TTBK2: variants seen among roughly 807,000 people sequenced by gnomAD.
TTBK2 encodes the protein tau-tubulin kinase 2.
In TTBK2, 28 loss-of-function variants were observed where a neutral mutation model predicts 110.8. The observed-to-expected ratio is 0.25, with a 90% confidence interval of 0.19 to 0.35. TTBK2 has a LOEUF of 0.35. TTBK2 is among the 10% of genes least tolerant of loss of function. The probability of loss-of-function intolerance (pLI) is 1.00; values close to 1 mark genes in which losing one functional copy is unlikely to be tolerated. For missense variants in TTBK2, 1,369 were observed against 1,500.3 expected, an observed-to-expected ratio of 0.91 and a Z score of 1.45; for synonymous variants, 532 against 527.3, an observed-to-expected ratio of 1.01 and a Z score of -0.12.
Position 42,763,084 on chromosome 15 carries a change from T to TATATATA in TTBK2, c.1999-9838_1999-9837insTATATAT, listed in dbSNP as rs1567008356. 1.2e-3 allele frequency among the ~76,000 whole-genome samples: 131 copies of TATATATA among 108,790 alleles called. 6 individuals carry two copies. The highest frequency in any genetic ancestry group is 5.5e-3 in the African/African-American group (124 of 22,596). 71.4% of individuals were successfully genotyped at this position (108,790 alleles called of 152,430 possible). On this transcript the variant is annotated intron_variant, in intron 13 of 14. Coordinates refer to ENST00000267890, the MANE Select transcript of TTBK2 (RefSeq NM_173500.4). ...TATAGGATGATTACAGTTAACAATT[T>TATATATA]TATATATATATATATATACGTATAT...
chr15:42,789,429 CCTT>C (rs1326886022), intron 10 of TTBK2, among the ~76,000 whole-genome samples: 3 of 152,052 alleles, frequency 2.0e-5, no homozygotes, highest in Admixed American at 1.3e-4. Flanking sequence ...GATAGGATCT[CCTT>C]CTTTTTAAAA....
chr15:42,762,528 C>T (rs1350319262), intron 13 of TTBK2, among the ~76,000 whole-genome samples: 1 of 152,036 alleles, frequency 6.6e-6, no homozygotes, highest in Non-Finnish European at 1.5e-5. Flanking sequence ...ACCAGCCTGG[C>T]CAACATGGTG....
chr15:42,878,732 A>G (rs1011098064), intron 1 of TTBK2, 48 bp from the exon 2 acceptor site: 11 of 1,579,774 alleles, frequency 7.0e-6, no homozygotes, highest in Admixed American at 3.5e-5. Flanking sequence ...GGGTTAACTA[A>G]TCAACACAAA....
At chr15:42,881,779 G>A (rs541728497) in intron 1 of TTBK2, among the ~76,000 whole-genome samples, 4 of 152,054 alleles carry the variant, frequency 2.6e-5, no homozygotes, top group African/African-American at 7.2e-5. Context: ...GCTGAGGCAG[G>A]AGAATCGCTT....
intron 1 of TTBK2, among the ~76,000 whole-genome samples, chr15:42,896,790 G>A (rs1203863533): frequency 6.6e-6 from 1 of 151,664 alleles, no homozygotes; most frequent in Non-Finnish European, 1.5e-5. Flanking sequence ...GTGAGACCCT[G>A]TCTCCAAAAA....
chr15:42,880,942 C>G (rs1445338987), intron 1 of TTBK2, among the ~76,000 whole-genome samples: 2 of 151,936 alleles, frequency 1.3e-5, no homozygotes, highest in East Asian at 1.9e-4. Flanking sequence ...ATAAAATAAA[C>G]CATTGCATCC....
intron 3 of TTBK2, among the ~76,000 whole-genome samples, chr15:42,870,323 T>C (rs1024034172): frequency 6.6e-6 from 1 of 151,842 alleles, no homozygotes; most frequent in Non-Finnish European, 1.5e-5. Flanking sequence ...AAATATGGGG[T>C]GAAATGCTAA....
chr15:42,788,279 G>T (rs1246292442), intron 10 of TTBK2, among the ~76,000 whole-genome samples: 2 of 152,096 alleles, frequency 1.3e-5, no homozygotes, highest in East Asian at 3.8e-4. Flanking sequence ...TCTACTTTAT[G>T]GAACTACTTA....
rs2061743441 is a variant in TTBK2, at chr15:42,740,532, T to C, written c.*5263A>G. The C allele has an allele frequency of 6.6e-6, 1 of 151,568 alleles. No individual in the cohort carries two copies. Among genetic ancestry groups the C allele is most frequent in the Admixed American group, 6.6e-5 (1 of 15,222 alleles). The allele number at this position is 151,568 out of a possible 1,614,324, so 9.4% of individuals were successfully genotyped here. A position where few individuals can be genotyped will look rare whatever the true frequency, so the allele number is the denominator to read the frequency against. The stretch of plus-strand genomic sequence containing the variant: ...GAATTAGAAGACGTCTTAATGGGCA[T>C]AGACTTTATTTTTGTTTTACTTTTT... On this transcript the variant is annotated 3_prime_UTR_variant, in exon 15 of 15. Transcript: ENST00000267890.
chr15:42,850,946 C>G (rs139328590), intron 3 of TTBK2, among the ~76,000 whole-genome samples: 1,718 of 151,918 alleles, frequency 0.011, 29 homozygotes, highest in African/African-American at 0.039. Context: ...GAAAATATGG[C>G]CAGGCGCGGT....
chr15:42,747,079 C>A (rs2140561250), intron 14 of TTBK2, among the ~76,000 whole-genome samples: 1 of 152,122 alleles, frequency 6.6e-6, no homozygotes, highest in South Asian at 2.1e-4. Context: ...ATCCTCCCAC[C>A]TCAGCCTCCT....
At chr15:42,891,746 CTG>C (rs1186701305) in intron 1 of TTBK2, among the ~76,000 whole-genome samples, 11 of 152,056 alleles carry the variant, frequency 7.2e-5, no homozygotes, top group Non-Finnish European at 1.6e-4. Flanking sequence ...TTCATGAACT[CTG>C]TGAGTCATTC....
rs57982301 is a variant in TTBK2, at chr15:42,875,905, CAAAAAAA to C, written c.69+2637_69+2643del. The stretch of plus-strand genomic sequence containing the variant: ...TGGGCGACAGAGCAAGACTCCGTCT[CAAAAAAA>C]AAAAAAAAAAAAAAAGAAATGGGAC... On this transcript the variant is annotated intron_variant, in intron 2 of 14. Coordinates refer to ENST00000267890, the MANE Select transcript of TTBK2 (RefSeq NM_173500.4). 2.5e-4 allele frequency among the ~76,000 whole-genome samples: 14 copies of C among 56,898 alleles called. No homozygotes were observed. The South Asian group carries it at 8.3e-3, about 34-fold the overall frequency. 37.3% of individuals were successfully genotyped at this position (56,898 alleles called of 152,430 possible).
chr15:42,819,494 ACT>A (rs780328583), intron 6 of TTBK2, among the ~76,000 whole-genome samples: 5 of 152,042 alleles, frequency 3.3e-5, no homozygotes, highest in Admixed American at 1.3e-4. Context: ...TTCATTAAAT[ACT>A]CTCTTTCCCT....
intron 7 of TTBK2, among the ~76,000 whole-genome samples, chr15:42,815,822 TAC>T (rs1316091444): frequency 6.3e-5 from 9 of 142,656 alleles, no homozygotes; most frequent in Admixed American, 3.7e-4. Context: ...CTTGAAATAG[TAC>T]ACAGATGTTC....
intron 1 of TTBK2, among the ~76,000 whole-genome samples, chr15:42,897,972 T>A (rs1046833371): frequency 6.6e-6 from 1 of 151,516 alleles, no homozygotes; most frequent in African/African-American, 2.4e-5. Flanking sequence ...GGCAGATCCA[T>A]TGAGCCCAAG....
At chr15:42,814,204 T>A (rs982118249) in intron 7 of TTBK2, among the ~76,000 whole-genome samples, 2 of 152,106 alleles carry the variant, frequency 1.3e-5, no homozygotes, top group Non-Finnish European at 2.9e-5. Context: ...ATATTTTTAG[T>A]AGAGACGGGG....
chr15:42,780,195 T>C (rs1298607571), intron 11 of TTBK2, among the ~76,000 whole-genome samples: 3 of 144,068 alleles, frequency 2.1e-5, no homozygotes, highest in African/African-American at 7.7e-5. Context: ...CTAACTTTTT[T>C]TTTTTTTTTT....
chr15:42,851,711 T>A (rs1470457481), intron 3 of TTBK2, among the ~76,000 whole-genome samples: 1 of 152,258 alleles, frequency 6.6e-6, no homozygotes, highest in African/African-American at 2.4e-5. Context: ...TATATATATA[T>A]CTATACATAG....
Sources: gnomAD v4.1 joint callset for allele counts (sites outside exome capture counted in the v4.1 genomes callset) on GRCh38, gnomAD v4.1.1 for gene constraint, MANE v1.5 for transcripts, NCBI Gene and HGNC (gene_info 2026-07-23, HGNC 2026-07-21) for gene names.